Variants in OCIAD1 observed in about 807,000 individuals in gnomAD.
The protein encoded by OCIAD1 is OCIA domain containing 1, also known as OCIA domain-containing protein 1.
Under a neutral mutation model 38.9 loss-of-function variants are expected in OCIAD1, and 29 were observed. The ratio of observed to expected loss-of-function variants is 0.74; its 90% CI spans 0.55 to 1.02. OCIAD1 has a LOEUF of 1.02. Among genes scored for constraint, OCIAD1 ranks in the 50% least tolerant of loss-of-function variants. The pLI is 0.00. For missense variants in OCIAD1, 288 were observed against 289.6 expected, an observed-to-expected ratio of 0.99 and a Z score of 0.04; for synonymous variants, 110 against 92.0, an observed-to-expected ratio of 1.20 and a Z score of -1.12.
At chr4:48,825,046 A>C (rs1269022195) in intron 1 of OCIAD1, among the ~76,000 whole-genome samples, 2 of 152,174 alleles carry the variant, frequency 1.3e-5, no homozygotes, top group Non-Finnish European at 2.9e-5. Flanking sequence ...TGGAGTTTTT[A>C]ATTTCAAATA....
In OCIAD1 at chr4:48,850,026, T is replaced by C. The variant is rs771050107; in HGVS notation, c.321T>C (p.Asn107=). The C allele has an allele frequency of 7.6e-5, 122 of 1,613,458 alleles. No individual in the cohort carries two copies. Among genetic ancestry groups the C allele is most frequent in the Non-Finnish European group, 9.7e-5 (115 of 1,179,860 alleles). ...TCQEKFKKLE[N]SPLGEALRSG... The stretch of plus-strand genomic sequence containing the variant: ...AAGAGAAATTCAAGAAACTTGAAAA[T>C]TCCCCCCTTGGAGAAGCTTTACGAT... Residue 107 remains asparagine (N), a synonymous_variant, in exon 6 of 9, where the codon AAT becomes AAC. Transcript: ENST00000264312.
chr4:48,851,846 G>T lies in OCIAD1; in HGVS notation c.418G>T (p.Gly140Cys). The T allele has an allele frequency of 9.3e-6, 15 of 1,613,144 alleles. No individual in the cohort carries two copies. The highest frequency in any genetic ancestry group is 1.3e-5 in the Non-Finnish European group (15 of 1,179,312). The change falls in exon 7 of 9, where the codon GGT becomes TGT. Residue 140 changes from glycine (G) to cysteine (C), a missense_variant. Transcript: ENST00000264312. ...GTCAAAATATGACTCAAGTGTGAGT[G>T]GTCAATCATCTTTTGTGACATCCCC... Reference protein sequence around the residue: ...QKSKYDSSVSGQSSFVTSPAA... With the variant: ...QKSKYDSSVSCQSSFVTSPAA...
chr4:48,849,304 G>GTAAA (rs1201418027), intron 5 of OCIAD1, among the ~76,000 whole-genome samples: 7 of 151,784 alleles, frequency 4.6e-5, no homozygotes, highest in East Asian at 1.9e-4. Flanking sequence ...TAAAAAATAA[G>GTAAA]TAAATAAATA....
Position 48,857,356 on chromosome 4 carries a change from A to G in OCIAD1, c.691A>G (p.Lys231Glu), listed in dbSNP as rs1197452001. 2.9e-5 allele frequency: 45 copies of G among 1,547,966 alleles called. No homozygotes were observed. The highest frequency in any genetic ancestry group is 3.6e-5 in the Non-Finnish European group (42 of 1,151,622). ...CAGGCCTATGCATGAAAGAGTGCCA[A>G]AAAAAGAAGGTATGATAGTTTAGTC... ...SVRPMHERVP[K>E]KEVKVNKYGD... The change falls in exon 8 of 9, where the codon AAA becomes GAA. Residue 231 changes from lysine (K) to glutamate (E), a missense_variant. Physicochemically the swap from Lys to Glu is moderately conservative, Grantham distance 56. Transcript: ENST00000264312.
At position 48,816,536 on chromosome 4, in the gene OCIAD1, G is replaced by GA. The variant is rs34578790; in HGVS notation, c.-103+11219dup. Reference sequence around the variant, plus strand: ...AACAGAGCAAGAGTCCGTCTAAAAGGAAAAAAAAAAAAAGGAAGATAATAA... The same window carrying GA: ...AACAGAGCAAGAGTCCGTCTAAAAGGAAAAAAAAAAAAAAGGAAGATAATAA... On this transcript the variant is annotated intron_variant, in intron 1 of 6. Coordinates refer to the OCIAD1 transcript ENST00000504654. Among the ~76,000 whole-genome samples the GA allele has an allele frequency of 8.6e-3, 1,147 of 132,812 alleles. 13 individuals carry two copies. Among genetic ancestry groups the GA allele is most frequent in the African/African-American group, 0.026 (942 of 36,056 alleles). The allele number at this position is 132,812 out of a possible 152,430, so 87.1% of individuals were successfully genotyped here. A position where few individuals can be genotyped will look rare whatever the true frequency, so the allele number is the denominator to read the frequency against.
chr4:48,831,663 T>C (rs1360106980), intron 1 of OCIAD1: 6 of 766,940 alleles, frequency 7.8e-6, no homozygotes, highest in African/African-American at 1.8e-5. Context: ...GATGCCGTTA[T>C]GGGAAATAAG....
rs193117406 is a variant in OCIAD1 at position 48,825,926 on chromosome 4, C to G, written c.-102-4651C>G. Among the ~76,000 whole-genome samples, 515 of 152,134 alleles carry G rather than the reference C, an allele frequency of 3.4e-3. 12 individuals are homozygous for G. The highest frequency in any genetic ancestry group is 0.027 in the Admixed American group (411 of 15,266). ...AATCTTGGCTCACTGCAACCTCCAC[C>G]TCCTGGGTTCAAGCAATTCTTCTGC... On this transcript the variant is annotated intron_variant, in intron 1 of 6. Coordinates refer to the OCIAD1 transcript ENST00000504654.
chr4:48,825,695 T>C (rs1201486542), intron 1 of OCIAD1, among the ~76,000 whole-genome samples: 4 of 152,214 alleles, frequency 2.6e-5, no homozygotes, highest in African/African-American at 4.8e-5. Flanking sequence ...AACACATCCA[T>C]GGGAATATTA....
At position 48,842,665 on chromosome 4, in the gene OCIAD1, A is replaced by G; in HGVS notation, c.169A>G (p.Ile57Val). The G allele has an allele frequency of 6.4e-7, 1 of 1,571,694 alleles. No homozygotes were observed. Among genetic ancestry groups the G allele is most frequent in the Non-Finnish European group, 8.6e-7 (1 of 1,158,184 alleles). The change falls in exon 4 of 9, where the codon ATT (isoleucine) becomes GTT (valine). Residue 57 changes from isoleucine to valine, a missense_variant. Physicochemically the swap from Ile to Val is conservative, Grantham distance 29 (BLOSUM62 3). Transcript: ENST00000264312. ...GCCTTTGGCTGCAACAAGTATGTTG[A>G]TTACTCAAGGATTAATTAGTAAAGG... Reference protein sequence around the residue: ...SVPLAATSMLITQGLISKGIL... With the variant: ...SVPLAATSMLVTQGLISKGIL...
At chr4:48,828,121 G>C (rs1055737826), upstream of OCIAD1, among the ~76,000 whole-genome samples, 2 of 150,220 alleles carry the variant, frequency 1.3e-5, no homozygotes, top group Non-Finnish European at 3.0e-5. Context: ...TTATGTCTAG[G>C]GAAAGGTTTG....
chr4:48,812,561 G>A (rs1207788984), intron 1 of OCIAD1, among the ~76,000 whole-genome samples: 2 of 152,060 alleles, frequency 1.3e-5, no homozygotes, highest in Admixed American at 6.6e-5. Context: ...GAATAAAGGA[G>A]TGATTGACTG....
At chr4:48,810,332 G>A (rs188694214) in intron 1 of OCIAD1, among the ~76,000 whole-genome samples, 10 of 151,882 alleles carry the variant, frequency 6.6e-5, no homozygotes, top group Admixed American at 2.6e-4. Flanking sequence ...AGCCGGGCGC[G>A]GTGGCGGGTG....
upstream of OCIAD1, among the ~76,000 whole-genome samples, chr4:48,827,803 C>A (rs1234789076): frequency 6.6e-6 from 1 of 152,234 alleles, no homozygotes; most frequent in Non-Finnish European, 1.5e-5. Flanking sequence ...GCTCCACCTG[C>A]AGCCCCGGCA....
At chr4:48,851,720 G>A in intron 6 of OCIAD1, 86 bp from the exon 7 acceptor site, 1 of 669,018 alleles carries the variant, frequency 1.5e-6, no homozygotes, top group South Asian at 2.5e-5. Flanking sequence ...TTGGAAATAA[G>A]CTATATGAAA....
At chr4:48,840,137 G>A (rs772795232) in intron 3 of OCIAD1, among the ~76,000 whole-genome samples, 36 of 152,212 alleles carry the variant, frequency 2.4e-4, no homozygotes, top group Non-Finnish European at 4.1e-4. Flanking sequence ...AGCATGAGAA[G>A]AAGCTATGCA....
intron 1 of OCIAD1, among the ~76,000 whole-genome samples, chr4:48,820,554 A>G (rs1777184566): frequency 6.6e-6 from 1 of 152,238 alleles, no homozygotes; most frequent in Admixed American, 6.5e-5. Context: ...CTAAGATCAG[A>G]GCAGAACTGA....
chr4:48,851,161 G>T (rs1225880745), intron 6 of OCIAD1, among the ~76,000 whole-genome samples: 1 of 152,178 alleles, frequency 6.6e-6, no homozygotes, highest in Non-Finnish European at 1.5e-5. Flanking sequence ...CTTCTCAATT[G>T]ACATGGGAAA....
At chr4:48,859,462 T>C (rs942697375) in intron 8 of OCIAD1, among the ~76,000 whole-genome samples, 37 of 152,202 alleles carry the variant, frequency 2.4e-4, no homozygotes, top group African/African-American at 8.4e-4. Context: ...CATAGTACTT[T>C]ACACTGTATC....
chr4:48,819,850 G>A (rs751398958), intron 1 of OCIAD1, among the ~76,000 whole-genome samples: 19 of 148,832 alleles, frequency 1.3e-4, no homozygotes, highest in Non-Finnish European at 2.8e-4. Flanking sequence ...AATACATCAA[G>A]AAGAGCTAAG....
Sources: gnomAD v4.1 joint callset for allele counts (sites outside exome capture counted in the v4.1 genomes callset) on GRCh38, gnomAD v4.1.1 for gene constraint, MANE v1.5 for transcripts, NCBI Gene and HGNC (gene_info 2026-07-23, HGNC 2026-07-21) for gene names.